Variants in PRH1 observed in about 807,000 individuals in gnomAD.
PRH1 encodes the protein salivary acidic proline-rich phosphoprotein 1/2.
Under a neutral mutation model 7.9 loss-of-function variants are expected in PRH1, and 7 were observed. The observed-to-expected ratio is 0.89, with a 90% CI of 0.50 to 1.67. The LOEUF is 1.67. Ranked by LOEUF, PRH1 falls within the 40% of genes most tolerant of loss-of-function variation. The pLI is 0.00. For missense variants in PRH1, 109 were observed against 223.6 expected (o/e 0.49, Z 3.27); for synonymous variants, 45 against 80.8 (o/e 0.56, Z 2.38).
intron 1 of PRH1, chr12:11,031,227 T>C (rs759455611): frequency 1.9e-6 from 3 of 1,614,138 alleles, no homozygotes; most frequent in South Asian, 2.2e-5. Flanking sequence ...TTTTGTCTCT[T>C]GACCCGCTCA....
chr12:10,970,834 G>C (rs1938779422), intron 2 of PRH1, among the ~76,000 whole-genome samples: 1 of 152,052 alleles, frequency 6.6e-6, no homozygotes, highest in Non-Finnish European at 1.5e-5. Flanking sequence ...CCAAAGTGCT[G>C]GGATTACAGG....
rs563733938 is a variant in PRH1, at chr12:11,153,979, T to G, written n.39+17443A>C. Among the ~76,000 whole-genome samples, 75 of 152,248 alleles carry G rather than the reference T, an allele frequency of 4.9e-4. 1 individual carries two copies. In the South Asian group the frequency reaches 0.011, roughly 21 times the overall value. On this transcript the variant is annotated intron_variant and non_coding_transcript_variant, in intron 1 of 1. Coordinates refer to the PRH1 transcript ENST00000541175. ...GTGGTTTGTGTCCAGAGCAAAATAG[T>G]GGAATGTTTTTTCTACTTTAATATT...
chr12:11,168,984 C>A (rs995403773), intron 1 of PRH1, among the ~76,000 whole-genome samples: 6 of 152,170 alleles, frequency 3.9e-5, no homozygotes, highest in African/African-American at 1.4e-4. Flanking sequence ...AGGAAACGTA[C>A]TTTTTTTCTA....
At chr12:11,031,726 A>C (rs1380624305) in intron 1 of PRH1, among the ~76,000 whole-genome samples, 1 of 152,080 alleles carries the variant, frequency 6.6e-6, no homozygotes, top group African/African-American at 2.4e-5. Flanking sequence ...TGCATTTTAC[A>C]ATCCTCTTGC....
chr12:11,057,574 C>G (rs1294243428), intron 1 of PRH1, among the ~76,000 whole-genome samples: 1 of 152,246 alleles, frequency 6.6e-6, no homozygotes, highest in Non-Finnish European at 1.5e-5. Context: ...GAACTGGTCA[C>G]TGCCGTGACA....
intron 2 of PRH1, among the ~76,000 whole-genome samples, chr12:10,896,585 A>C (rs1282319772): frequency 6.6e-6 from 1 of 152,012 alleles, no homozygotes; most frequent in African/African-American, 2.4e-5. Flanking sequence ...AACATGGTGA[A>C]ACCCTGTCTC....
chr12:10,903,326 T>C (rs961909502), intron 2 of PRH1, among the ~76,000 whole-genome samples: 2 of 152,074 alleles, frequency 1.3e-5, no homozygotes, highest in African/African-American at 4.8e-5. Context: ...CAAATATACA[T>C]GCACTCAGCA....
chr12:11,005,613 A>G (rs1940789951), intron 1 of PRH1, among the ~76,000 whole-genome samples: 1 of 152,122 alleles, frequency 6.6e-6, no homozygotes, highest in Non-Finnish European at 1.5e-5. Context: ...TCTATTGTTA[A>G]CAAGCTCATT....
At chr12:11,114,332 A>G (rs368387751) in intron 1 of PRH1, among the ~76,000 whole-genome samples, 1 of 152,016 alleles carries the variant, frequency 6.6e-6, no homozygotes, top group Non-Finnish European at 1.5e-5. Flanking sequence ...GCCATAAAAA[A>G]GGATGAGTTC....
intron 1 of PRH1, among the ~76,000 whole-genome samples, chr12:11,012,649 T>C (rs1046633535): frequency 6.6e-6 from 1 of 152,114 alleles, no homozygotes; most frequent in Non-Finnish European, 1.5e-5. Flanking sequence ...TTTGTACTCC[T>C]GGGCTCAAGA....
At chr12:11,116,189 A>C (rs547054166), downstream of PRH1, among the ~76,000 whole-genome samples, 57 of 152,192 alleles carry the variant, frequency 3.7e-4, 1 homozygote, top group African/African-American at 1.4e-3. Flanking sequence ...ATAAAATCAG[A>C]CATGAAAGCA....
At chr12:10,925,390 T>C (rs1401001907) in intron 2 of PRH1, among the ~76,000 whole-genome samples, 3 of 152,208 alleles carry the variant, frequency 2.0e-5, no homozygotes, top group Non-Finnish European at 2.9e-5. Context: ...AGTCTCTCTC[T>C]TGGACTTCTA....
chr12:11,090,533 A>G lies in PRH1; in HGVS notation n.124-43345T>C, dbSNP rs561276519. Among the ~76,000 whole-genome samples the G allele has an allele frequency of 9.4e-5, 11 of 116,898 alleles. 2 individuals are homozygous for G. The South Asian group carries it at 2.6e-3, about 27-fold the overall frequency. The allele number at this position is 116,898 out of a possible 152,430, so 76.7% of individuals were successfully genotyped here. ...CTGCATATGCATAACTGATGATACC[A>G]ATCAAGATCATGATCATGATGTTTC... On this transcript the variant is annotated intron_variant and non_coding_transcript_variant, in intron 1 of 4. Transcript: ENST00000541977.
intron 1 of PRH1, among the ~76,000 whole-genome samples, chr12:11,074,993 T>C (rs1405760563): frequency 3.3e-5 from 5 of 150,942 alleles, no homozygotes; most frequent in Admixed American, 1.3e-4. Context: ...TCATGATACA[T>C]GGTTTTACAT....
chr12:11,004,445 C>T (rs894319510), intron 1 of PRH1, among the ~76,000 whole-genome samples: 1 of 152,078 alleles, frequency 6.6e-6, no homozygotes, highest in Non-Finnish European at 1.5e-5. Flanking sequence ...GCGGAGGTTG[C>T]GGTGAGCTGA....
intron 1 of PRH1, among the ~76,000 whole-genome samples, chr12:11,114,595 T>G (rs1344918580): frequency 1.3e-5 from 2 of 152,100 alleles, no homozygotes; most frequent in Non-Finnish European, 2.9e-5. Context: ...ATGGCACATG[T>G]ACACCGATGT....
rs1263222714 is a variant in PRH1, at chr12:11,069,730, C to T, written n.124-22542G>A. ...CACACTTTGATAAATACTTATAAAC[C>T]AAGAGCAAAATGGAGCTGAAAAGCT... On this transcript the variant is annotated intron_variant and non_coding_transcript_variant, in intron 1 of 4. Transcript: ENST00000541977. Among the ~76,000 whole-genome samples, 5 of 152,268 alleles carry T rather than the reference C, an allele frequency of 3.3e-5. No individual in the cohort carries two copies. The East Asian group carries it at 5.8e-4, about 18-fold the overall frequency.
At chr12:11,116,253 G>T (rs1364946503), downstream of PRH1, among the ~76,000 whole-genome samples, 1 of 151,892 alleles carries the variant, frequency 6.6e-6, no homozygotes, top group Non-Finnish European at 1.5e-5. Flanking sequence ...TGACTACTAT[G>T]AGCAACTATA....
chr12:11,008,337 T>C (rs991980893), intron 1 of PRH1, among the ~76,000 whole-genome samples: 1 of 152,048 alleles, frequency 6.6e-6, no homozygotes, highest in Admixed American at 6.6e-5. Context: ...TTATAATGCA[T>C]ACATAGAAAT....
Sources: allele counts gnomAD v4.1 joint callset (sites outside exome capture counted in the v4.1 genomes callset), GRCh38; gene constraint gnomAD v4.1.1; transcripts MANE v1.5; gene names NCBI Gene and HGNC (gene_info 2026-07-23, HGNC 2026-07-21).